TMEM209: variants seen among roughly 807,000 people sequenced by gnomAD.
TMEM209 encodes testicular tissue protein Li 202.
Under a neutral mutation model 76.2 loss-of-function variants are expected in TMEM209, and 65 were observed. The ratio of observed to expected loss-of-function variants is 0.85; its 90% confidence interval spans 0.70 to 1.05. TMEM209 has a LOEUF of 1.05. Ranked by LOEUF, TMEM209 falls within the 50% of genes least tolerant of loss-of-function variation. TMEM209 has a pLI of 0.00. For synonymous variants in TMEM209, 239 were observed against 237.6 expected, an observed-to-expected ratio of 1.01 and a Z score of -0.06; for missense variants, 623 against 685.5, an observed-to-expected ratio of 0.91 and a Z score of 1.02.
intron 11 of TMEM209, among the ~76,000 whole-genome samples, chr7:130,174,356 T>C (rs1797169549): frequency 6.6e-6 from 1 of 152,220 alleles, no homozygotes; most frequent in Admixed American, 6.5e-5. Flanking sequence ...TGAAAAAGTT[T>C]GAATACTCCA....
intron 1 of TMEM209, among the ~76,000 whole-genome samples, chr7:130,204,502 C>G (rs1262614431): frequency 6.6e-6 from 1 of 152,084 alleles, no homozygotes; most frequent in African/African-American, 2.4e-5. Flanking sequence ...CCACCGCGTC[C>G]GACTGATTTT....
At chr7:130,200,571 C>T (rs1169250101) in intron 5 of TMEM209, among the ~76,000 whole-genome samples, 1 of 151,994 alleles carries the variant, frequency 6.6e-6, no homozygotes, top group Admixed American at 6.6e-5. Context: ...TATTAAATAG[C>T]CATTAAACAG....
chr7:130,176,274 A>G (rs9969167), intron 10 of TMEM209, among the ~76,000 whole-genome samples: 91,862 of 151,128 alleles, frequency 0.61, 28,903 homozygotes, highest in African/African-American at 0.78. Context: ...CACCACGCCC[A>G]GCTAATTTTT....
intron 14 of TMEM209, 100 bp downstream of exon 14, chr7:130,170,300 C>A: frequency 1.0e-6 from 1 of 981,540 alleles, no homozygotes; most frequent in Non-Finnish European, 1.5e-6. Flanking sequence ...ATTGTTCAAT[C>A]CATAAACCTT....
intron 14 of TMEM209, among the ~76,000 whole-genome samples, chr7:130,169,061 ACCCC>A: frequency 6.6e-6 from 1 of 151,688 alleles, no homozygotes; most frequent in African/African-American, 2.4e-5. Context: ...ACATGGAGAA[ACCCC>A]GTCTCTACCA....
intron 5 of TMEM209, among the ~76,000 whole-genome samples, chr7:130,196,482 TAC>T (rs764701563): frequency 3.3e-5 from 5 of 152,222 alleles, no homozygotes; most frequent in Non-Finnish European, 7.4e-5. Context: ...TCAAGAGGGT[TAC>T]AGTCTAGAGG....
At chr7:130,170,270 C>T (rs1797026222) in intron 14 of TMEM209, 130 bp downstream of exon 14, 2 of 731,926 alleles carry the variant, frequency 2.7e-6, no homozygotes, top group Non-Finnish European at 4.4e-6. Context: ...TAGTCTGTGA[C>T]AGGGCTGAAG....
At chr7:130,177,436 A>G (rs1445375064) in intron 10 of TMEM209, among the ~76,000 whole-genome samples, 1 of 151,862 alleles carries the variant, frequency 6.6e-6, no homozygotes, top group Admixed American at 6.6e-5. Context: ...ACGGTGGCTC[A>G]TGTCTATAAT....
intron 8 of TMEM209, among the ~76,000 whole-genome samples, chr7:130,183,673 C>T (rs902536493): frequency 2.6e-5 from 4 of 152,064 alleles, no homozygotes; most frequent in African/African-American, 4.8e-5. Context: ...GGGAGGAAGA[C>T]GTGGAGTTGG....
chr7:130,170,284 T>C, intron 14 of TMEM209, 116 bp downstream of exon 14: 1 of 825,934 alleles, frequency 1.2e-6, no homozygotes, highest in Non-Finnish European at 1.9e-6. Flanking sequence ...GCTGAAGCCA[T>C]TATCTATTGT....
At chr7:130,200,605 T>C (rs529147441) in intron 5 of TMEM209, among the ~76,000 whole-genome samples, 1 of 152,308 alleles carries the variant, frequency 6.6e-6, no homozygotes, top group South Asian at 2.1e-4. Context: ...GGCAGGACTA[T>C]AATAATTTTC....
chr7:130,188,612 A>G (rs1048165174), intron 6 of TMEM209, among the ~76,000 whole-genome samples: 1 of 151,236 alleles, frequency 6.6e-6, no homozygotes, highest in African/African-American at 2.4e-5. Flanking sequence ...AAAAAAAAAA[A>G]AAAAAAAAGA....
At chr7:130,203,950 CT>C (rs772382888) in intron 2 of TMEM209, 23 bp downstream of exon 2, 5 of 1,607,560 alleles carry the variant, frequency 3.1e-6, no homozygotes, top group Admixed American at 1.7e-5. Flanking sequence ...TAAAGTTTCA[CT>C]TTTTTTGGAC....
chr7:130,181,800 T>A, intron 8 of TMEM209, 81 bp from the exon 9 acceptor site: 1 of 1,155,694 alleles, frequency 8.7e-7, no homozygotes. Flanking sequence ...TACAAGCAAC[T>A]CTAAGAATTT....
chr7:130,185,432 T>C, intron 6 of TMEM209, 65 bp from the exon 7 acceptor site: 3 of 1,420,922 alleles, frequency 2.1e-6, no homozygotes, highest in Non-Finnish European at 2.9e-6. Context: ...AGTTAACACT[T>C]ATATCTAGGC....
Position 130,166,418 on chromosome 7 carries a change from T to C in TMEM209, c.*33A>G, listed in dbSNP as rs1157566420. On this transcript the variant is annotated 3_prime_UTR_variant, in exon 15 of 15. Coordinates refer to ENST00000397622, the MANE Select transcript of TMEM209 (RefSeq NM_032842.4). ...AGTTTCGACTTCTGGTTCAGTGAAA[T>C]AGTCTAAATGTCAGAATTAAATATA... is the stretch of plus-strand genomic sequence containing the variant. The C allele has an allele frequency of 8.6e-6, 13 of 1,516,586 alleles. No homozygotes were observed. The highest frequency in any genetic ancestry group is 7.5e-5 in the East Asian group (3 of 39,976). The allele number at this position is 1,516,586 out of a possible 1,614,324, so 93.9% of individuals were successfully genotyped here. A position where few individuals can be genotyped will look rare whatever the true frequency, so the allele number is the denominator to read the frequency against.
At chr7:130,204,707 G>T (rs1409533501) in intron 1 of TMEM209, among the ~76,000 whole-genome samples, 1 of 152,170 alleles carries the variant, frequency 6.6e-6, no homozygotes, top group South Asian at 2.1e-4. Flanking sequence ...GTAATTTAAG[G>T]GTTATGTCTA....
At chr7:130,202,685 T>C in intron 3 of TMEM209, 22 bp from the exon 4 acceptor site, 5 of 1,605,294 alleles carry the variant, frequency 3.1e-6, no homozygotes, top group Non-Finnish European at 4.3e-6. Flanking sequence ...CAATTTTTTT[T>C]TAATAAGGGG....
In TMEM209 at chr7:130,175,307, A is replaced by T. The variant is rs542921461; in HGVS notation, c.1344+205T>A. On this transcript the variant is annotated intron_variant, in intron 11 of 14. Coordinates refer to ENST00000397622, the MANE Select transcript of TMEM209 (RefSeq NM_032842.4). ...TGAGACCCCATCTCTACAAAAAATT[A>T]AAAAAATTAGCTGGGTGTGGTGGTT... is the stretch of plus-strand genomic sequence containing the variant. The T allele has an allele frequency of 1.6e-4, 72 of 447,124 alleles. No individual in the cohort carries two copies. In the South Asian group the frequency reaches 2.6e-3, roughly 16 times the overall value. 27.7% of individuals were successfully genotyped at this position (447,124 alleles called of 1,614,324 possible).
Sources: allele counts gnomAD v4.1 joint callset (sites outside exome capture counted in the v4.1 genomes callset), GRCh38; gene constraint gnomAD v4.1.1; transcripts MANE v1.5; gene names NCBI Gene and HGNC (gene_info 2026-07-23, HGNC 2026-07-21).